The following GATAD1 variants were observed in gnomAD, a reference collection of about 807,000 sequenced individuals.
The protein encoded by GATAD1 is GATA zinc finger domain containing 1.
GATAD1 carries 12 observed loss-of-function variants against 26.5 expected under a neutral mutation model. The observed-to-expected ratio is 0.45, with a 90% CI of 0.29 to 0.73. GATAD1 has a LOEUF of 0.73. GATAD1 is among the 30% of genes least tolerant of loss of function. The pLI is 0.10. For missense variants in GATAD1, 266 were observed against 342.1 expected (o/e 0.78, Z 1.75); for synonymous variants, 129 against 133.1 (o/e 0.97, Z 0.21).
chr7:92,461,977 C>G (rs548244444), downstream of GATAD1, among the ~76,000 whole-genome samples: 217 of 152,284 alleles, frequency 1.4e-3, no homozygotes, highest in African/African-American at 5.0e-3. Flanking sequence ...TAGGGACCAC[C>G]TCAGAGGCAC....
the GATAD1 span, among the ~76,000 whole-genome samples, chr7:92,465,770 G>T: frequency 1.3e-5 from 2 of 152,176 alleles, no homozygotes; most frequent in Non-Finnish European, 2.9e-5. Context: ...GGGAGGCCAG[G>T]TTGGGGGATC....
the GATAD1 span, chr7:92,471,106 G>A: frequency 6.0e-6 from 1 of 166,540 alleles, no homozygotes; most frequent in South Asian, 2.1e-4. Flanking sequence ...ATTATTTCAT[G>A]AACTAGTGCC....
the GATAD1 span, chr7:92,469,988 C>G: frequency 1.3e-6 from 1 of 776,130 alleles, no homozygotes; most frequent in Non-Finnish European, 2.4e-6. Flanking sequence ...TGGGAGATTA[C>G]TTCTTTTACA....
At chr7:92,470,404 T>C in the GATAD1 span, 3 of 673,956 alleles carry the variant, frequency 4.5e-6, no homozygotes, top group African/African-American at 3.6e-5. Flanking sequence ...TTTTAGTTAC[T>C]TTCCTCCTGG....
downstream of GATAD1, among the ~76,000 whole-genome samples, chr7:92,463,729 GAGGCCAAGGCAGGCAGATC>G (rs1166080800): frequency 6.6e-6 from 1 of 151,784 alleles, no homozygotes; most frequent in East Asian, 1.9e-4. Context: ...AGCACTTTGG[GAGGCCAAGGCAGGCAGATC>G]AGTTGAGGTC....
Position 92,458,737 on chromosome 7 carries a change from A to G in GATAD1, c.*2175A>G, listed in dbSNP as rs1304614514. The G allele has an allele frequency of 6.6e-6, 1 of 152,246 alleles. No individual in the cohort carries two copies. Among genetic ancestry groups the G allele is most frequent in the Non-Finnish European group, 1.5e-5 (1 of 68,040 alleles). The allele number at this position is 152,246 out of a possible 1,614,324, so 9.4% of individuals were successfully genotyped here. A position where few individuals can be genotyped will look rare whatever the true frequency, so the allele number is the denominator to read the frequency against. On this transcript the variant is annotated 3_prime_UTR_variant, in exon 5 of 5. Transcript: ENST00000287957. ...TATAGGTAGCTACACGTACATAATT[A>G]TCTCTTTATTCACAAAGGGTATAGT...
At chr7:92,454,888 T>C (rs1196706705) in intron 4 of GATAD1, among the ~76,000 whole-genome samples, 1 of 152,096 alleles carries the variant, frequency 6.6e-6, no homozygotes, top group Non-Finnish European at 1.5e-5. Flanking sequence ...TGGGGAGGCT[T>C]TTCTTCCTGG....
chr7:92,453,386 A>G (rs1323749290), intron 3 of GATAD1, among the ~76,000 whole-genome samples: 1 of 152,236 alleles, frequency 6.6e-6, no homozygotes, highest in Non-Finnish European at 1.5e-5. Context: ...TTCCAGCTCA[A>G]GACCCAGGGA....
Position 92,454,650 on chromosome 7 carries a change from C to T in GATAD1, c.584C>T (p.Pro195Leu). Residue 195 changes from proline (P) to leucine (L), a missense_variant, in exon 4 of 5, where the codon CCC becomes CTC. Coordinates refer to ENST00000287957, the MANE Select transcript of GATAD1 (RefSeq NM_021167.5). Reference protein sequence around the residue: ...LTWLIPTLSSPRDQFDPASYI... With the variant: ...LTWLIPTLSSLRDQFDPASYI... Reference sequence around the variant, plus strand: ...TGGCTCATTCCTACCCTCTCTAGCCCCAGAGACCAATTTGATCCCGCCTCC... The same window carrying T: ...TGGCTCATTCCTACCCTCTCTAGCCTCAGAGACCAATTTGATCCCGCCTCC... 1 of 1,603,698 alleles carries T rather than the reference C, an allele frequency of 6.2e-7. No individual in the cohort carries two copies.
the GATAD1 span, chr7:92,489,701 G>A: frequency 6.2e-7 from 1 of 1,607,474 alleles, no homozygotes; most frequent in Non-Finnish European, 8.5e-7. Flanking sequence ...TAATGAGGGG[G>A]AAAAAGCCAT....
At chr7:92,448,899 C>T (rs745741697) in intron 2 of GATAD1, 22 bp downstream of exon 2, 3 of 1,601,110 alleles carry the variant, frequency 1.9e-6, no homozygotes, top group Non-Finnish European at 2.6e-6. Context: ...GTGGACAGTG[C>T]CTTTTACTGT....
the GATAD1 span, among the ~76,000 whole-genome samples, chr7:92,482,850 G>A: frequency 1.3e-5 from 2 of 152,164 alleles, no homozygotes; most frequent in African/African-American, 4.8e-5. Flanking sequence ...GAGTTTTAAG[G>A]GGTTTTGAAG....
downstream of GATAD1, among the ~76,000 whole-genome samples, chr7:92,464,827 G>A (rs1453944909): frequency 6.6e-6 from 1 of 152,214 alleles, no homozygotes; most frequent in East Asian, 1.9e-4. Context: ...CAGAGGTTAG[G>A]CAAGGGAGTG....
At chr7:92,477,215 G>T in the GATAD1 span, among the ~76,000 whole-genome samples, 1 of 152,166 alleles carries the variant, frequency 6.6e-6, no homozygotes, top group Non-Finnish European at 1.5e-5. Context: ...ACCCAGAAGG[G>T]TTGGGGGTTG....
chr7:92,448,897 T>G lies in GATAD1; in HGVS notation c.375+20T>G. 6.2e-7 allele frequency: 1 copy of G among 1,604,256 alleles called. No homozygotes were observed. The highest frequency in any genetic ancestry group is 8.5e-7 in the Non-Finnish European group (1 of 1,171,074). On this transcript the variant is annotated intron_variant, in intron 2 of 4. Coordinates refer to ENST00000287957, the MANE Select transcript of GATAD1 (RefSeq NM_021167.5). ...AAAAATGTAAGATATTTGTGGACAGTGCCTTTTACTGTAATGACGTTGTGT... is the reference window on the plus strand; with the variant it reads ...AAAAATGTAAGATATTTGTGGACAGGGCCTTTTACTGTAATGACGTTGTGT...
the GATAD1 span, among the ~76,000 whole-genome samples, chr7:92,490,424 C>A: frequency 6.6e-6 from 1 of 152,014 alleles, no homozygotes; most frequent in Non-Finnish European, 1.5e-5. Context: ...AGCTTGAGCC[C>A]AGGAGTTTGA....
chr7:92,467,146 A>G, the GATAD1 span, among the ~76,000 whole-genome samples: 32,804 of 151,850 alleles, frequency 0.22, 3,664 homozygotes, highest in East Asian at 0.32. Context: ...GATGAAACCC[A>G]TTTCTACTAA....
At chr7:92,453,569 A>G (rs1048725048) in intron 3 of GATAD1, among the ~76,000 whole-genome samples, 1 of 152,246 alleles carries the variant, frequency 6.6e-6, no homozygotes, top group Non-Finnish European at 1.5e-5. Context: ...GGAGTGGAAG[A>G]GAAAGGCAGC....
Position 92,456,353 on chromosome 7 carries a change from T to A in GATAD1, c.620-19T>A. ...TATGGTCAAAAATGTATTTAACCTTTCCCTTGGCTGCCTTCCAGGGCCAGA... is the reference window on the plus strand; with the variant it reads ...TATGGTCAAAAATGTATTTAACCTTACCCTTGGCTGCCTTCCAGGGCCAGA... On this transcript the variant is annotated intron_variant, in intron 4 of 4. Transcript: ENST00000287957. The A allele has an allele frequency of 6.4e-7, 1 of 1,554,564 alleles. No homozygotes were observed. The highest frequency in any genetic ancestry group is 2.3e-5 in the East Asian group (1 of 44,436).
Sources: allele counts gnomAD v4.1 joint callset (sites outside exome capture counted in the v4.1 genomes callset), GRCh38; gene constraint gnomAD v4.1.1; transcripts MANE v1.5; gene names NCBI Gene and HGNC (gene_info 2026-07-23, HGNC 2026-07-21).